The following DAB1 variants were observed in gnomAD, a reference collection of about 807,000 sequenced individuals.
DAB1 encodes the protein disabled homolog 1.
Under a neutral mutation model 64.6 loss-of-function variants are expected in DAB1, and 15 were observed. The observed-to-expected ratio is 0.23, with a 90% CI of 0.16 to 0.36. DAB1 has a LOEUF of 0.36. Among genes scored for constraint, DAB1 ranks in the 10% least tolerant of loss-of-function variants. DAB1 has a pLI of 1.00. For synonymous variants in DAB1, 235 were observed against 251.9 expected (o/e 0.93, Z 0.64); for missense variants, 596 against 706.7 (o/e 0.84, Z 1.78).
chr1:57,233,255 C>CTTTTTTTTTTTTTTTTTTTTTTTTT (rs1186221366), intron 2 of DAB1, among the ~76,000 whole-genome samples: 1 of 60,804 alleles, frequency 1.6e-5, no homozygotes. Flanking sequence ...TGCTCCGATT[C>CTTTTTTTTTTTTTTTTTTTTTTTTT]TTTTTTTTTT....
chr1:57,224,209 C>T (rs1322559520), intron 2 of DAB1, among the ~76,000 whole-genome samples: 3 of 152,062 alleles, frequency 2.0e-5, no homozygotes, highest in East Asian at 1.9e-4. Flanking sequence ...GGGTGAAAAC[C>T]GAATCACTAC....
rs549402377 is a variant in DAB1 at position 57,057,799 on chromosome 1, G to A, written c.723+5085C>T. Among the ~76,000 whole-genome samples, 61 of 151,242 alleles carry A rather than the reference G, an allele frequency of 4.0e-4. No individual in the cohort carries two copies. In the South Asian group the frequency reaches 4.4e-3, roughly 11 times the overall value. ...ATTTTTTTGTATTTTTAGTAGAGAC[G>A]GGGTTTCACTGTATTAGCCAGGATG... On this transcript the variant is annotated intron_variant, in intron 9 of 14. Transcript: ENST00000371236.
At chr1:57,508,916 A>G (rs1644377366) in intron 7 of DAB1, among the ~76,000 whole-genome samples, 1 of 151,836 alleles carries the variant, frequency 6.6e-6, no homozygotes. Flanking sequence ...ACATTTATAT[A>G]TGCACATACA....
chr1:57,916,522 C>T (rs1300440823), intron 5 of DAB1, among the ~76,000 whole-genome samples: 1 of 152,170 alleles, frequency 6.6e-6, no homozygotes, highest in Non-Finnish European at 1.5e-5. Flanking sequence ...TTGGAGTGCT[C>T]ACTACATACT....
intron 9 of DAB1, among the ~76,000 whole-genome samples, chr1:57,050,295 CCACCAGAGGTA>C (rs576536436): frequency 2.4e-3 from 366 of 152,296 alleles, no homozygotes; most frequent in African/African-American, 8.1e-3. Context: ...CTGCCACAAG[CCACCAGAGGTA>C]CACTGAAAAA....
At chr1:58,156,749 C>A (rs1264968887) in intron 4 of DAB1, among the ~76,000 whole-genome samples, 1 of 152,062 alleles carries the variant, frequency 6.6e-6, no homozygotes, top group Non-Finnish European at 1.5e-5. Flanking sequence ...AGGAAGAACA[C>A]AATGTATCAA....
intron 3 of DAB1, among the ~76,000 whole-genome samples, chr1:58,436,692 A>G (rs1644948640): frequency 6.6e-6 from 1 of 152,278 alleles, no homozygotes; most frequent in African/African-American, 2.4e-5. Flanking sequence ...AAGAAAATAA[A>G]CAATTAAGAA....
intron 1 of DAB1, among the ~76,000 whole-genome samples, chr1:57,831,428 G>A (rs1652582162): frequency 6.6e-6 from 1 of 151,876 alleles, no homozygotes; most frequent in Non-Finnish European, 1.5e-5. Context: ...AGTCCTTCAA[G>A]TGAATTACTG....
chr1:58,086,192 T>C (rs1650298365), intron 5 of DAB1, among the ~76,000 whole-genome samples: 1 of 151,696 alleles, frequency 6.6e-6, no homozygotes, highest in Admixed American at 6.6e-5. Flanking sequence ...CTCGATCTCC[T>C]GACCTCGTGA....
At chr1:57,822,365 AC>A (rs1056789037), downstream of DAB1, among the ~76,000 whole-genome samples, 3 of 152,106 alleles carry the variant, frequency 2.0e-5, no homozygotes, top group Non-Finnish European at 4.4e-5. Context: ...GTCTCTCTGG[AC>A]AGAGCTGAGA....
chr1:58,473,056 G>C (rs963201143), intron 3 of DAB1, among the ~76,000 whole-genome samples: 1 of 152,172 alleles, frequency 6.6e-6, no homozygotes, highest in Non-Finnish European at 1.5e-5. Flanking sequence ...TAATTTAAAC[G>C]ACATTTCCCC....
chr1:58,040,678 CAT>C (rs1647121968), intron 5 of DAB1, among the ~76,000 whole-genome samples: 1 of 152,194 alleles, frequency 6.6e-6, no homozygotes, highest in Non-Finnish European at 1.5e-5. Flanking sequence ...AAATATACCA[CAT>C]GTCTAAATAG....
intron 3 of DAB1, among the ~76,000 whole-genome samples, chr1:58,367,433 C>T (rs773956531): frequency 2.4e-4 from 36 of 152,148 alleles, no homozygotes; most frequent in Admixed American, 9.2e-4. Flanking sequence ...ACTCATAAAT[C>T]ATGTATCTAT....
At chr1:58,092,058 C>A (rs1005778941) in intron 5 of DAB1, among the ~76,000 whole-genome samples, 1 of 151,916 alleles carries the variant, frequency 6.6e-6, no homozygotes, top group South Asian at 2.1e-4. Flanking sequence ...ATGCCATCAC[C>A]GGGAGCGATG....
intron 5 of DAB1, among the ~76,000 whole-genome samples, chr1:58,117,665 C>T (rs1652420037): frequency 6.6e-6 from 1 of 152,114 alleles, no homozygotes; most frequent in African/African-American, 2.4e-5. Context: ...ATATATAGTC[C>T]TGAAGGCAAG....
At chr1:58,135,731 T>C (rs1185381940) in intron 5 of DAB1, among the ~76,000 whole-genome samples, 1 of 152,092 alleles carries the variant, frequency 6.6e-6, no homozygotes, top group African/African-American at 2.4e-5. Context: ...AAAGATATAA[T>C]CTAGAAATTT....
intron 4 of DAB1, among the ~76,000 whole-genome samples, chr1:57,135,712 T>A (rs1213622414): frequency 6.6e-6 from 1 of 152,116 alleles, no homozygotes; most frequent in Non-Finnish European, 1.5e-5. Context: ...GAAGAGAAAA[T>A]AATAATGCAA....
chr1:58,512,154 T>A (rs936837667), intron 2 of DAB1, among the ~76,000 whole-genome samples: 1 of 152,124 alleles, frequency 6.6e-6, no homozygotes, highest in Non-Finnish European at 1.5e-5. Flanking sequence ...GAAAAAATGT[T>A]CAATATCACT....
intron 5 of DAB1, chr1:58,060,349 G>A (rs1009318815): frequency 2.0e-5 from 3 of 152,174 alleles, no homozygotes; most frequent in Non-Finnish European, 4.4e-5. Context: ...TGTGCCCAAG[G>A]TTTATTTGTA....
Sources: allele counts gnomAD v4.1 joint callset (sites outside exome capture counted in the v4.1 genomes callset), GRCh38; gene constraint gnomAD v4.1.1; transcripts MANE v1.5; gene names NCBI Gene and HGNC (gene_info 2026-07-23, HGNC 2026-07-21).